Variants in CCDC150 observed in about 807,000 individuals in gnomAD.
CCDC150 encodes the protein coiled-coil domain containing 150.
CCDC150 carries 151 observed loss-of-function variants against 156.5 expected under a neutral mutation model. The ratio of observed to expected loss-of-function variants is 0.97; its 90% CI spans 0.85 to 1.10. CCDC150 has a LOEUF of 1.10. Among genes scored for constraint, CCDC150 ranks in the 50% least tolerant of loss-of-function variants. The pLI is 0.00. For synonymous variants in CCDC150, 452 were observed against 429.4 expected, an observed-to-expected ratio of 1.05 and a Z score of -0.65; for missense variants, 1,312 against 1,268.1, an observed-to-expected ratio of 1.03 and a Z score of -0.53.
chr2:196,690,513 A>C (rs1695395998), intron 13 of CCDC150, among the ~76,000 whole-genome samples: 2 of 152,144 alleles, frequency 1.3e-5, no homozygotes, highest in African/African-American at 4.8e-5. Context: ...TTCATTTGCC[A>C]GTTTTTCATG....
At chr2:196,714,866 A>G (rs895107001) in intron 17 of CCDC150, among the ~76,000 whole-genome samples, 1 of 152,166 alleles carries the variant, frequency 6.6e-6, no homozygotes, top group South Asian at 2.1e-4. Flanking sequence ...ATTCTTGTAT[A>G]CTTTTCTAGA....
intron 26 of CCDC150, among the ~76,000 whole-genome samples, chr2:196,731,294 A>G (rs1698504466): frequency 6.6e-6 from 1 of 152,154 alleles, no homozygotes; most frequent in African/African-American, 2.4e-5. Context: ...ATCAATCAAT[A>G]ACTAAAAAAG....
chr2:196,656,273 G>T (rs1361289604), intron 2 of CCDC150, among the ~76,000 whole-genome samples: 2 of 152,204 alleles, frequency 1.3e-5, no homozygotes, highest in Non-Finnish European at 2.9e-5. Flanking sequence ...GAGGATAGGT[G>T]TTGGGGATAC....
rs1693207944 is a variant in CCDC150 at position 196,656,695 on chromosome 2, T to G, written c.239T>G (p.Ile80Ser). Residue 80 changes from isoleucine (I) to serine (S), a missense_variant, in exon 3 of 28, where the codon ATC (isoleucine) becomes AGC (serine). Coordinates refer to ENST00000389175, the MANE Select transcript of CCDC150 (RefSeq NM_001080539.2). ...GACAGCCAGAAAGTCATTAGTCCTATCCAAAATGAAGCAATTTGTGCAGGA... is the reference window on the plus strand; with the variant it reads ...GACAGCCAGAAAGTCATTAGTCCTAGCCAAAATGAAGCAATTTGTGCAGGA... ...DLDSQKVISP[I>S]QNEAICAGKT... 3 of 1,613,656 alleles carry G rather than the reference T, an allele frequency of 1.9e-6. No homozygotes were observed. Among genetic ancestry groups the G allele is most frequent in the Non-Finnish European group, 2.5e-6 (3 of 1,179,736 alleles).
At position 196,719,676 on chromosome 2, in the gene CCDC150, GTT is replaced by G. The variant is rs763271214; in HGVS notation, c.2165+17_2165+18del. The G allele has an allele frequency of 6.3e-7, 1 of 1,592,286 alleles. No individual in the cohort carries two copies. Among genetic ancestry groups the G allele is most frequent in the African/African-American group, 1.4e-5 (1 of 73,654 alleles). On this transcript the variant is annotated intron_variant, in intron 19 of 27. Coordinates refer to ENST00000389175, the MANE Select transcript of CCDC150 (RefSeq NM_001080539.2). ...GCCTCAAGAAAGAAAGGTACCTGTG[GTT>G]TTTTTTCCCTGTCATTGGTATTGCT...
chr2:196,668,326 A>G (rs1693981811), intron 7 of CCDC150, among the ~76,000 whole-genome samples: 1 of 150,502 alleles, frequency 6.6e-6, no homozygotes, highest in South Asian at 2.1e-4. Context: ...AAAAGAAGAT[A>G]TAAAAGGATC....
At chr2:196,659,354 C>G (rs1693419366) in intron 5 of CCDC150, among the ~76,000 whole-genome samples, 1 of 152,166 alleles carries the variant, frequency 6.6e-6, no homozygotes, top group Non-Finnish European at 1.5e-5. Flanking sequence ...AGTAGAATTA[C>G]TAACTCAATA....
At chr2:196,681,132 C>G (rs1215104647) in intron 13 of CCDC150, among the ~76,000 whole-genome samples, 1 of 152,140 alleles carries the variant, frequency 6.6e-6, no homozygotes, top group Non-Finnish European at 1.5e-5. Context: ...TCTCCCAGCC[C>G]CTGACAACAA....
chr2:196,691,322 G>C (rs968621247), intron 13 of CCDC150, among the ~76,000 whole-genome samples: 3 of 152,170 alleles, frequency 2.0e-5, no homozygotes, highest in Admixed American at 1.3e-4. Context: ...ATTCAGCTGT[G>C]AATCTGTCTG....
intron 8 of CCDC150, among the ~76,000 whole-genome samples, chr2:196,671,870 G>GT (rs1364791638): frequency 1.3e-5 from 2 of 152,166 alleles, no homozygotes; most frequent in African/African-American, 4.8e-5. Context: ...CTGTGTGCAG[G>GT]TTTTTTGTCT....
intron 4 of CCDC150, among the ~76,000 whole-genome samples, chr2:196,657,997 T>C (rs1357727533): frequency 6.6e-6 from 1 of 152,140 alleles, no homozygotes; most frequent in Non-Finnish European, 1.5e-5. Flanking sequence ...TAGCTAGCAA[T>C]GACATTATAG....
intron 17 of CCDC150, among the ~76,000 whole-genome samples, chr2:196,716,419 A>G (rs1219539425): frequency 3.3e-5 from 5 of 152,256 alleles, no homozygotes; most frequent in Non-Finnish European, 7.3e-5. Context: ...ATACTAAGCA[A>G]CAGAAAGAAC....
chr2:196,718,543 G>T lies in CCDC150; in HGVS notation c.1907G>T (p.Arg636Leu). ...GAAAGAAGTAAAGAGGAGCTGTCCC[G>T]AACAGTGAAGTGTCGTAATGCGGCC... Reference protein sequence around the residue: ...ILERSKEELSRTVKCRNAALK... With the variant: ...ILERSKEELSLTVKCRNAALK... The change falls in exon 18 of 28, where the codon CGA becomes CTA. Residue 636 changes from arginine (R) to leucine (L), a missense_variant. Physicochemically the swap from Arg to Leu is moderately radical, Grantham distance 102 (BLOSUM62 -2). Coordinates refer to ENST00000389175, the MANE Select transcript of CCDC150 (RefSeq NM_001080539.2). The T allele has an allele frequency of 1.2e-6, 2 of 1,613,322 alleles. No individual in the cohort carries two copies. Among genetic ancestry groups the T allele is most frequent in the East Asian group, 2.2e-5 (1 of 44,860 alleles).
At chr2:196,670,551 T>C (rs1353549301) in intron 8 of CCDC150, among the ~76,000 whole-genome samples, 1 of 148,462 alleles carries the variant, frequency 6.7e-6, no homozygotes, top group South Asian at 2.1e-4. Flanking sequence ...AAAACTAGCT[T>C]TTTTTTTTTT....
rs1697694914 is a variant in CCDC150 at position 196,718,718 on chromosome 2, T to C, written c.1995+87T>C. 5 of 1,501,640 alleles carry C rather than the reference T, an allele frequency of 3.3e-6. No homozygotes were observed. The South Asian group carries it at 7.4e-5, about 22-fold the overall frequency. 93.0% of individuals were successfully genotyped at this position (1,501,640 alleles called of 1,614,324 possible). Reference sequence around the variant, plus strand: ...TGAGCCATATGTTTCGCTTTCTTGCTTCCATTAGAATAAGGATTGATCAGG... The same window carrying C: ...TGAGCCATATGTTTCGCTTTCTTGCCTCCATTAGAATAAGGATTGATCAGG... On this transcript the variant is annotated intron_variant, in intron 18 of 27. Transcript: ENST00000389175.
chr2:196,697,238 A>G (rs1695883323), intron 14 of CCDC150, among the ~76,000 whole-genome samples: 1 of 152,250 alleles, frequency 6.6e-6, no homozygotes, highest in Admixed American at 6.5e-5. Flanking sequence ...AAGGATTAAT[A>G]TCATATTGCA....
intron 13 of CCDC150, among the ~76,000 whole-genome samples, chr2:196,689,442 C>G (rs1461582721): frequency 2.0e-5 from 3 of 149,964 alleles, no homozygotes; most frequent in African/African-American, 7.3e-5. Flanking sequence ...TTGTAGTTCT[C>G]CTTGAAGAGG....
intron 13 of CCDC150, among the ~76,000 whole-genome samples, chr2:196,684,195 A>C (rs1435347638): frequency 6.6e-6 from 1 of 152,098 alleles, no homozygotes; most frequent in Non-Finnish European, 1.5e-5. Flanking sequence ...TGCAGCTATA[A>C]ATTTCCCTCT....
At chr2:196,706,444 C>T (rs1696642322) in intron 15 of CCDC150, among the ~76,000 whole-genome samples, 2 of 152,304 alleles carry the variant, frequency 1.3e-5, no homozygotes, top group East Asian at 3.9e-4. Flanking sequence ...AATATACAGT[C>T]ATGTCATCTG....
Sources: gnomAD v4.1 joint callset for allele counts (sites outside exome capture counted in the v4.1 genomes callset) on GRCh38, gnomAD v4.1.1 for gene constraint, MANE v1.5 for transcripts, NCBI Gene and HGNC (gene_info 2026-07-23, HGNC 2026-07-21) for gene names.